The following NRXN3 variants were observed in gnomAD, a reference collection of about 807,000 sequenced individuals.
NRXN3 encodes the protein neurexin III.
Under a neutral mutation model 137.6 loss-of-function variants are expected in NRXN3, and 32 were observed. That is an observed-to-expected ratio of 0.23 (90% CI 0.18 to 0.31). The LOEUF (loss-of-function observed/expected upper bound fraction) is 0.31, where lower values mean the gene tolerates loss of function less well. Ranked by LOEUF, NRXN3 falls within the 10% of genes least tolerant of loss-of-function variation. The pLI, the probability that NRXN3 is intolerant of heterozygous loss-of-function variation, is 1.00. For missense variants in NRXN3, 1,574 were observed against 2,062.5 expected, an observed-to-expected ratio of 0.76 and a Z score of 4.59; for synonymous variants, 798 against 784.5, an observed-to-expected ratio of 1.02 and a Z score of -0.29.
At chr14:79,349,898 G>A (rs547680588) in intron 15 of NRXN3, among the ~76,000 whole-genome samples, 1 of 152,220 alleles carries the variant, frequency 6.6e-6, no homozygotes. Flanking sequence ...CTCTTAGAAG[G>A]AACCAATTTT....
chr14:78,918,306 A>AAG (rs1202463044), intron 10 of NRXN3, among the ~76,000 whole-genome samples: 15 of 138,796 alleles, frequency 1.1e-4, no homozygotes, highest in East Asian at 4.6e-4. Context: ...AAAAAAAAAA[A>AAG]AGAGAGAGAG....
At chr14:79,472,659 C>T (rs1026481764) in intron 16 of NRXN3, among the ~76,000 whole-genome samples, 2 of 152,032 alleles carry the variant, frequency 1.3e-5, no homozygotes. Context: ...CCATTGAAAT[C>T]GATTGTTGAG....
chr14:79,529,649 A>G (rs540715827), intron 16 of NRXN3, among the ~76,000 whole-genome samples: 1 of 152,388 alleles, frequency 6.6e-6, no homozygotes, highest in East Asian at 1.9e-4. Flanking sequence ...AAACTCCAAA[A>G]ATCTTTAAAA....
At chr14:78,202,890 A>G (rs1474999667) in intron 1 of NRXN3, among the ~76,000 whole-genome samples, 1 of 152,210 alleles carries the variant, frequency 6.6e-6, no homozygotes, top group Non-Finnish European at 1.5e-5. Context: ...TGTATTACAT[A>G]TGAGGACACA....
intron 10 of NRXN3, among the ~76,000 whole-genome samples, chr14:78,844,867 A>G (rs1380340326): frequency 6.6e-6 from 1 of 152,138 alleles, no homozygotes; most frequent in Non-Finnish European, 1.5e-5. Flanking sequence ...GAATAGCCAC[A>G]AAATGGTTTT....
At chr14:78,728,008 T>A (rs1283636039) in intron 8 of NRXN3, among the ~76,000 whole-genome samples, 1 of 152,162 alleles carries the variant, frequency 6.6e-6, no homozygotes, top group African/African-American at 2.4e-5. Flanking sequence ...AAGAAATAAC[T>A]GAGATTCAAA....
intron 1 of NRXN3, among the ~76,000 whole-genome samples, chr14:78,218,477 A>G (rs2153421677): frequency 6.6e-6 from 1 of 152,338 alleles, no homozygotes; most frequent in Middle Eastern, 3.4e-3. Flanking sequence ...CTATAAGTCT[A>G]GAAACCTGGC....
intron 3 of NRXN3, among the ~76,000 whole-genome samples, chr14:78,281,505 G>C (rs1464614923): frequency 6.6e-6 from 1 of 152,168 alleles, no homozygotes; most frequent in Non-Finnish European, 1.5e-5. Context: ...CAAGGTCCCA[G>C]AGACAGGTTA....
intron 15 of NRXN3, among the ~76,000 whole-genome samples, chr14:79,435,239 A>C (rs748152534): frequency 1.3e-5 from 2 of 152,156 alleles, no homozygotes. Context: ...TAATGAAGCA[A>C]GAATGTCAAT....
At chr14:79,188,339 T>C (rs1386833962) in intron 15 of NRXN3, among the ~76,000 whole-genome samples, 1 of 151,584 alleles carries the variant, frequency 6.6e-6, no homozygotes, top group Non-Finnish European at 1.5e-5. Context: ...GTGGAAAAAA[T>C]AGGCAATTTT....
intron 8 of NRXN3, among the ~76,000 whole-genome samples, chr14:78,785,161 CAAG>C (rs1366109748): frequency 6.6e-6 from 1 of 152,074 alleles, no homozygotes; most frequent in Non-Finnish European, 1.5e-5. Context: ...GAGAAATAAA[CAAG>C]AAGACATTTT....
chr14:78,500,863 A>G (rs1051698525), intron 4 of NRXN3, among the ~76,000 whole-genome samples: 4 of 152,188 alleles, frequency 2.6e-5, no homozygotes, highest in Non-Finnish European at 4.4e-5. Flanking sequence ...TGATGGGGTT[A>G]CAATAAGATA....
intron 4 of NRXN3, among the ~76,000 whole-genome samples, chr14:78,389,444 G>A (rs1174356708): frequency 6.6e-6 from 1 of 152,128 alleles, no homozygotes; most frequent in African/African-American, 2.4e-5. Context: ...GAAAGCCAAT[G>A]CCTGTCTCAA....
intron 15 of NRXN3, among the ~76,000 whole-genome samples, chr14:79,041,259 C>G (rs1466976046): frequency 1.3e-5 from 2 of 152,242 alleles, no homozygotes; most frequent in Non-Finnish European, 2.9e-5. Context: ...ATCCATAGTT[C>G]AGAAATTTTT....
chr14:78,638,915 G>A (rs2097589893), intron 4 of NRXN3, among the ~76,000 whole-genome samples: 3 of 152,192 alleles, frequency 2.0e-5, no homozygotes, highest in Admixed American at 2.0e-4. Context: ...TCTTTCTGCA[G>A]TTGTGTACTC....
intron 4 of NRXN3, among the ~76,000 whole-genome samples, chr14:78,585,727 G>A (rs934284275): frequency 6.6e-6 from 1 of 152,140 alleles, no homozygotes; most frequent in African/African-American, 2.4e-5. Context: ...CTGATGAGCT[G>A]TTGTTTGCTA....
intron 16 of NRXN3, among the ~76,000 whole-genome samples, chr14:79,536,456 AT>A (rs543727007): frequency 0.01 from 1,533 of 149,082 alleles, 17 homozygotes; most frequent in Middle Eastern, 0.041. Flanking sequence ...TTTATTAATT[AT>A]TTTTTTTTTA....
chr14:78,812,264 C>T (rs1397323407), intron 10 of NRXN3, among the ~76,000 whole-genome samples: 2 of 152,082 alleles, frequency 1.3e-5, no homozygotes, highest in African/African-American at 4.8e-5. Context: ...ATTTTATGTA[C>T]ATGGAATTAG....
chr14:79,274,275 G>C (rs912081236), intron 15 of NRXN3, among the ~76,000 whole-genome samples: 1 of 151,982 alleles, frequency 6.6e-6, no homozygotes, highest in Admixed American at 6.6e-5. Flanking sequence ...CAGACTTCAA[G>C]ACCATTTGCA....
Sources: gnomAD v4.1 joint callset for allele counts (sites outside exome capture counted in the v4.1 genomes callset) on GRCh38, gnomAD v4.1.1 for gene constraint, MANE v1.5 for transcripts, NCBI Gene and HGNC (gene_info 2026-07-23, HGNC 2026-07-21) for gene names.